Variants in PRLR observed in about 807,000 individuals in gnomAD.
PRLR encodes prolactin receptor, also known as hPRL receptor.
Under a neutral mutation model 40.2 loss-of-function variants are expected in PRLR, and 13 were observed. The observed-to-expected ratio is 0.32, with a 90% CI of 0.21 to 0.51. The LOEUF is 0.51. Ranked by LOEUF, PRLR falls within the 20% of genes least tolerant of loss-of-function variation. The probability of loss-of-function intolerance (pLI) is 0.97; values close to 1 mark genes in which losing one functional copy is unlikely to be tolerated. For synonymous variants in PRLR, 269 were observed against 278.7 expected, an observed-to-expected ratio of 0.97 and a Z score of 0.35; for missense variants, 656 against 747.3, an observed-to-expected ratio of 0.88 and a Z score of 1.42.
chr5:35,112,347 G>C (rs369024309), intron 2 of PRLR, among the ~76,000 whole-genome samples: 117 of 152,274 alleles, frequency 7.7e-4, no homozygotes, highest in African/African-American at 2.5e-3. Context: ...GAAGGGCTGG[G>C]TCATCTTATT....
intron 1 of PRLR, among the ~76,000 whole-genome samples, chr5:35,141,459 T>G (rs1191652311): frequency 6.6e-6 from 1 of 152,064 alleles, no homozygotes; most frequent in Admixed American, 6.5e-5. Flanking sequence ...TTGTTCAATA[T>G]CCCTATGGAG....
chr5:35,217,657 C>T (rs72734598), intron 1 of PRLR, among the ~76,000 whole-genome samples: 14,762 of 152,154 alleles, frequency 0.097, 932 homozygotes, highest in Non-Finnish European at 0.13. Context: ...GAGAGGGGGA[C>T]ATTTTTATGA....
intron 1 of PRLR, among the ~76,000 whole-genome samples, chr5:35,142,227 G>A (rs1332358089): frequency 6.6e-6 from 1 of 152,172 alleles, no homozygotes; most frequent in East Asian, 1.9e-4. Flanking sequence ...AGGGCTAAGT[G>A]TTTGATGCCT....
rs549969752 is a variant in PRLR, at chr5:35,222,607, A to T, written c.-106+7661T>A. Among the ~76,000 whole-genome samples, 9 of 152,280 alleles carry T rather than the reference A, an allele frequency of 5.9e-5. No homozygotes were observed. In the South Asian group the frequency reaches 1.9e-3, roughly 32 times the overall value. The stretch of plus-strand genomic sequence containing the variant: ...GGGTCATTGACACTCAGATAATCAC[A>T]GTGTTGGCAGCTTAGGGAAACCAGT... On this transcript the variant is annotated intron_variant, in intron 1 of 9. Coordinates refer to ENST00000618457, the MANE Select transcript of PRLR (RefSeq NM_000949.7).
chr5:35,093,866 C>T (rs1771371061), intron 2 of PRLR, among the ~76,000 whole-genome samples: 1 of 152,166 alleles, frequency 6.6e-6, no homozygotes, highest in African/African-American at 2.4e-5. Context: ...CATTCTGTAA[C>T]AATTGCCTAC....
chr5:35,213,165 T>C (rs1776210951), intron 1 of PRLR, among the ~76,000 whole-genome samples: 1 of 152,252 alleles, frequency 6.6e-6, no homozygotes, highest in Non-Finnish European at 1.5e-5. Flanking sequence ...AAAAATGTCC[T>C]GATCAACGAC....
At chr5:35,201,307 A>C (rs573933859) in intron 1 of PRLR, among the ~76,000 whole-genome samples, 1 of 152,288 alleles carries the variant, frequency 6.6e-6, no homozygotes, top group African/African-American at 2.4e-5. Flanking sequence ...TATAGCTTTT[A>C]AAACATAGTA....
Position 35,083,358 on chromosome 5 carries a change from C to T in PRLR, c.373+1112G>A, listed in dbSNP as rs372869042. 7.2e-5 allele frequency among the ~76,000 whole-genome samples: 11 copies of T among 152,074 alleles called. No homozygotes were observed. The East Asian group carries it at 1.5e-3, about 21-fold the overall frequency. ...TGGAAGGCCATGCCAGAGAGCTTCCCGTTCAGCTTGGAGATGACCTTCCTG... is the reference window on the plus strand; with the variant it reads ...TGGAAGGCCATGCCAGAGAGCTTCCTGTTCAGCTTGGAGATGACCTTCCTG... On this transcript the variant is annotated intron_variant, in intron 5 of 9. Coordinates refer to ENST00000618457, the MANE Select transcript of PRLR (RefSeq NM_000949.7).
intron 1 of PRLR, among the ~76,000 whole-genome samples, chr5:35,169,204 C>T (rs1434603507): frequency 6.6e-6 from 1 of 152,156 alleles, no homozygotes; most frequent in Non-Finnish European, 1.5e-5. Flanking sequence ...CATAGATTGA[C>T]AGTGTATTGG....
intron 5 of PRLR, among the ~76,000 whole-genome samples, chr5:35,083,524 C>CTT (rs59813376): frequency 1.9e-4 from 26 of 136,428 alleles, no homozygotes; most frequent in African/African-American, 5.8e-4. Context: ...CTTTTCTTTT[C>CTT]TTTTTTTTTT....
At chr5:35,049,376 T>C in exon 9 of PRLR, 1 of 703,066 alleles carries the variant, frequency 1.4e-6, no homozygotes. Flanking sequence ...TTGAGATTTT[T>C]GTAATGAGAG....
intron 1 of PRLR, among the ~76,000 whole-genome samples, chr5:35,211,355 T>G (rs1390524525): frequency 1.3e-5 from 2 of 152,156 alleles, no homozygotes; most frequent in African/African-American, 4.8e-5. Context: ...TGTTCCAGCC[T>G]AGTCACTGCA....
chr5:35,087,103 G>C (rs1021968391), intron 3 of PRLR, among the ~76,000 whole-genome samples: 5 of 151,934 alleles, frequency 3.3e-5, no homozygotes, highest in African/African-American at 1.2e-4. Context: ...AAGCAATTCT[G>C]CCTCAGCCTC....
intron 7 of PRLR, among the ~76,000 whole-genome samples, chr5:35,069,156 A>G (rs1347861388): frequency 6.6e-6 from 1 of 152,206 alleles, no homozygotes; most frequent in Non-Finnish European, 1.5e-5. Flanking sequence ...CCAAGGTCAC[A>G]TGGTCGTTTG....
At chr5:35,209,871 C>CATCT (rs1205140276) in intron 1 of PRLR, among the ~76,000 whole-genome samples, 1 of 152,204 alleles carries the variant, frequency 6.6e-6, no homozygotes, top group Non-Finnish European at 1.5e-5. Flanking sequence ...AGTCTATAGG[C>CATCT]ATCTACTCTG....
chr5:35,164,700 G>T (rs1774769986), intron 1 of PRLR, among the ~76,000 whole-genome samples: 1 of 152,020 alleles, frequency 6.6e-6, no homozygotes, highest in Admixed American at 6.6e-5. Context: ...ATATTATTTT[G>T]GCAACTGTGT....
At chr5:35,197,589 T>C (rs1775770653) in intron 1 of PRLR, among the ~76,000 whole-genome samples, 1 of 152,222 alleles carries the variant, frequency 6.6e-6, no homozygotes, top group African/African-American at 2.4e-5. Flanking sequence ...TCCTCCCACC[T>C]GTTCAGTCCT....
chr5:35,174,483 T>A (rs1052448938), intron 1 of PRLR, among the ~76,000 whole-genome samples: 6 of 152,234 alleles, frequency 3.9e-5, no homozygotes, highest in African/African-American at 1.2e-4. Flanking sequence ...ACAATTAAAT[T>A]ATTCACACCT....
At chr5:35,134,398 CGGGGAGTG>C (rs1773786120) in intron 1 of PRLR, among the ~76,000 whole-genome samples, 1 of 87,414 alleles carries the variant, frequency 1.1e-5, no homozygotes, top group Non-Finnish European at 2.2e-5. Context: ...TGAATAAGGG[CGGGGAGTG>C]GGGGAGGGGG....
Sources: allele counts gnomAD v4.1 joint callset (sites outside exome capture counted in the v4.1 genomes callset), GRCh38; gene constraint gnomAD v4.1.1; transcripts MANE v1.5; gene names NCBI Gene and HGNC (gene_info 2026-07-23, HGNC 2026-07-21).